The following EPHB1 variants were observed in gnomAD, a reference collection of about 807,000 sequenced individuals.
EPHB1 encodes the protein ephrin type-B receptor 1.
Under a neutral mutation model 94.4 loss-of-function variants are expected in EPHB1, and 30 were observed. That is an observed-to-expected ratio of 0.32 (90% CI 0.24 to 0.43). The LOEUF (loss-of-function observed/expected upper bound fraction) is 0.43, where lower values mean the gene tolerates loss of function less well. Ranked by LOEUF, EPHB1 falls within the 20% of genes least tolerant of loss-of-function variation. EPHB1 has a pLI of 1.00. For synonymous variants in EPHB1, 522 were observed against 489.1 expected, an observed-to-expected ratio of 1.07 and a Z score of -0.89; for missense variants, 1,055 against 1,308.3, an observed-to-expected ratio of 0.81 and a Z score of 2.99.
chr3:135,217,613 T>A (rs533394072), intron 12 of EPHB1, among the ~76,000 whole-genome samples: 9 of 152,170 alleles, frequency 5.9e-5, no homozygotes, highest in African/African-American at 1.9e-4. Context: ...CCCAGAAACA[T>A]ACAAGTACAG....
At chr3:135,069,542 C>T (rs1308966927) in intron 3 of EPHB1, among the ~76,000 whole-genome samples, 6 of 152,148 alleles carry the variant, frequency 3.9e-5, no homozygotes, top group South Asian at 4.2e-4. Context: ...GCTTGCAAGC[C>T]GGCTTCACAG....
chr3:135,139,839 T>A (rs961728283), intron 5 of EPHB1, among the ~76,000 whole-genome samples: 2 of 152,188 alleles, frequency 1.3e-5, no homozygotes, highest in African/African-American at 4.8e-5. Context: ...GATGGGATAT[T>A]TTATTGTTCA....
intron 1 of EPHB1, among the ~76,000 whole-genome samples, chr3:134,912,281 T>C (rs1441881659): frequency 6.6e-6 from 1 of 152,214 alleles, no homozygotes; most frequent in East Asian, 1.9e-4. Flanking sequence ...GCAAACTCAT[T>C]GGTCTGTCAG....
intron 1 of EPHB1, among the ~76,000 whole-genome samples, chr3:134,803,728 G>A (rs941232906): frequency 2.0e-5 from 3 of 152,178 alleles, no homozygotes; most frequent in Non-Finnish European, 2.9e-5. Flanking sequence ...GCTCAAGAGC[G>A]AAGTTTCAAA....
chr3:135,180,431 T>A (rs1229668872), intron 10 of EPHB1, among the ~76,000 whole-genome samples: 2 of 152,216 alleles, frequency 1.3e-5, no homozygotes, highest in African/African-American at 2.4e-5. Flanking sequence ...CAGACCATGA[T>A]GAATAGAAGA....
At chr3:134,838,585 C>T (rs2036721893) in intron 1 of EPHB1, among the ~76,000 whole-genome samples, 1 of 152,180 alleles carries the variant, frequency 6.6e-6, no homozygotes, top group South Asian at 2.1e-4. Flanking sequence ...CACATTCTCT[C>T]ATGCTATGCT....
chr3:135,059,819 A>T (rs1937443888), intron 3 of EPHB1, among the ~76,000 whole-genome samples: 1 of 152,174 alleles, frequency 6.6e-6, no homozygotes, highest in South Asian at 2.1e-4. Flanking sequence ...TTCTGCCACC[A>T]CTAATGCGTG....
chr3:134,799,437 A>AT (rs1462971339), intron 1 of EPHB1, among the ~76,000 whole-genome samples: 1 of 152,156 alleles, frequency 6.6e-6, no homozygotes, highest in Non-Finnish European at 1.5e-5. Context: ...AGCTGATTTT[A>AT]TTTTTTGTGC....
chr3:135,214,045 C>G (rs1943086976), intron 12 of EPHB1, among the ~76,000 whole-genome samples: 1 of 152,186 alleles, frequency 6.6e-6, no homozygotes, highest in Admixed American at 6.5e-5. Context: ...GTTCCTCTCA[C>G]ACTCTGTGTT....
intron 1 of EPHB1, among the ~76,000 whole-genome samples, chr3:134,808,703 AG>A (rs2108285135): frequency 6.6e-6 from 1 of 152,340 alleles, no homozygotes; most frequent in African/African-American, 2.4e-5. Flanking sequence ...AAACCCAGGA[AG>A]GGAGGTCTGG....
At chr3:135,010,558 GTTTT>G (rs58579496) in intron 3 of EPHB1, among the ~76,000 whole-genome samples, 18,138 of 110,280 alleles carry the variant, frequency 0.16, 2,612 homozygotes, top group African/African-American at 0.42. Flanking sequence ...ATTTTTTTCT[GTTTT>G]TTTTTTTTTT....
chr3:135,245,196 C>T (rs1490471253), intron 13 of EPHB1, among the ~76,000 whole-genome samples: 1 of 152,204 alleles, frequency 6.6e-6, no homozygotes, highest in Non-Finnish European at 1.5e-5. Context: ...ATTCATCCTA[C>T]TACTCATCTG....
chr3:134,998,218 C>G (rs1393218430), intron 3 of EPHB1, among the ~76,000 whole-genome samples: 1 of 152,124 alleles, frequency 6.6e-6, no homozygotes, highest in African/African-American at 2.4e-5. Flanking sequence ...CTGTCTTTAC[C>G]CCCTCTCACA....
At position 134,951,595 on chromosome 3, in the gene EPHB1, G is replaced by T; in HGVS notation, c.348G>T (p.Glu116Asp). 6.2e-7 allele frequency: 1 copy of T among 1,614,000 alleles called. No individual in the cohort carries two copies. Among genetic ancestry groups the T allele is most frequent in the Non-Finnish European group, 8.5e-7 (1 of 1,179,906 alleles). The change falls in exon 3 of 16, where the codon GAG becomes GAT. Residue 116 changes from glutamate to aspartate, a missense_variant. By Grantham distance (45) the Glu-to-Asp change is conservative. Coordinates refer to ENST00000398015, the MANE Select transcript of EPHB1 (RefSeq NM_004441.5). The surrounding 1 kb of genome is among the most constrained non-coding windows in gnomAD (Gnocchi z 4.5). ...AGACCTTCAACTTGTATTACTATGA[G>T]ACTGACTCTGTCATTGCCACCAAGA... Reference protein sequence around the residue: ...CKETFNLYYYETDSVIATKKS... With the variant: ...CKETFNLYYYDTDSVIATKKS...
At chr3:135,071,002 G>A (rs1423582264) in intron 3 of EPHB1, among the ~76,000 whole-genome samples, 3 of 152,188 alleles carry the variant, frequency 2.0e-5, no homozygotes, top group Non-Finnish European at 4.4e-5. Flanking sequence ...CAGATGGGTG[G>A]TCTCTCTGGT....
At chr3:135,115,885 G>T (rs112732575) in intron 4 of EPHB1, among the ~76,000 whole-genome samples, 1,914 of 152,290 alleles carry the variant, frequency 0.013, 52 homozygotes, top group African/African-American at 0.043. Context: ...TCATGTTTAA[G>T]AAGTGGGTTT....
At chr3:134,896,210 A>G (rs1419365697) in intron 1 of EPHB1, among the ~76,000 whole-genome samples, 3 of 151,118 alleles carry the variant, frequency 2.0e-5, no homozygotes, top group African/African-American at 7.3e-5. Flanking sequence ...TCACGGGCCC[A>G]TAAGCTCCTT....
intron 12 of EPHB1, among the ~76,000 whole-genome samples, chr3:135,215,883 T>A (rs145996950): frequency 6.6e-6 from 1 of 152,220 alleles, no homozygotes; most frequent in African/African-American, 2.4e-5. Flanking sequence ...AACCTCTTCA[T>A]TGAAACCGTT....
chr3:135,198,621 A>T (rs1445017695), intron 11 of EPHB1, among the ~76,000 whole-genome samples: 3 of 152,178 alleles, frequency 2.0e-5, no homozygotes, highest in Admixed American at 1.3e-4. Flanking sequence ...ATGAAAACCC[A>T]GAGTTCTGGT....
Sources: allele counts gnomAD v4.1 joint callset (sites outside exome capture counted in the v4.1 genomes callset), GRCh38; gene constraint gnomAD v4.1.1; non-coding constraint Gnocchi (gnomAD v3.1); transcripts MANE v1.5; gene names NCBI Gene and HGNC (gene_info 2026-07-23, HGNC 2026-07-21).